Variants in ROBO1 observed in about 807,000 individuals in gnomAD.
ROBO1 encodes the protein roundabout guidance receptor 1.
In ROBO1, 149 loss-of-function variants were observed where a neutral mutation model predicts 195.9. That is an observed-to-expected ratio of 0.76 (90% CI 0.67 to 0.87). ROBO1 has a LOEUF of 0.87. Ranked by LOEUF, ROBO1 falls within the 40% of genes least tolerant of loss-of-function variation. The pLI is 0.00. For synonymous variants in ROBO1, 816 were observed against 733.2 expected (o/e 1.11, Z -1.82); for missense variants, 1,933 against 2,068.3 (o/e 0.93, Z 1.27).
At chr3:79,455,702 T>C (rs548196559) in intron 2 of ROBO1, among the ~76,000 whole-genome samples, 99 of 152,216 alleles carry the variant, frequency 6.5e-4, no homozygotes, top group Non-Finnish European at 1.3e-3. Flanking sequence ...CACTGGCTGT[T>C]TCTTCATCCC....
At chr3:79,349,416 T>C (rs2035256078) in intron 2 of ROBO1, among the ~76,000 whole-genome samples, 2 of 152,134 alleles carry the variant, frequency 1.3e-5, no homozygotes, top group South Asian at 4.1e-4. Flanking sequence ...CCAATCCCTA[T>C]CAGAATATGA....
chr3:79,293,919 G>A lies in ROBO1; in HGVS notation c.89-168380C>T, dbSNP rs371491628. Among the ~76,000 whole-genome samples, 290 of 150,612 alleles carry A rather than the reference G, an allele frequency of 1.9e-3. 7 individuals carry two copies. In the East Asian group the frequency reaches 0.052, roughly 27 times the overall value. On this transcript the variant is annotated intron_variant, in intron 2 of 30. Coordinates refer to ENST00000464233, the MANE Select transcript of ROBO1 (RefSeq NM_002941.4). ...TAAAAATACAAAAAATTAGCCGGGCGTGGTAGCGGGCGCCTGTAGTCCCAG... is the reference window on the plus strand; with the variant it reads ...TAAAAATACAAAAAATTAGCCGGGCATGGTAGCGGGCGCCTGTAGTCCCAG...
chr3:79,585,506 C>G (rs1943800207), intron 2 of ROBO1, among the ~76,000 whole-genome samples: 1 of 151,908 alleles, frequency 6.6e-6, no homozygotes, highest in Non-Finnish European at 1.5e-5. Context: ...GAAACATAAG[C>G]AAAACCAAAG....
At chr3:78,981,952 C>G (rs987827551) in intron 3 of ROBO1, among the ~76,000 whole-genome samples, 24 of 152,044 alleles carry the variant, frequency 1.6e-4, no homozygotes, top group African/African-American at 5.8e-4. Context: ...AAAAGATTAA[C>G]CACCCAAGAA....
At chr3:79,639,937 G>C (rs1434562373) in intron 1 of ROBO1, among the ~76,000 whole-genome samples, 1 of 152,174 alleles carries the variant, frequency 6.6e-6, no homozygotes, top group Non-Finnish European at 1.5e-5. Flanking sequence ...GTGAGCATCT[G>C]CATCAGTAGC....
chr3:79,087,515 C>CTTCCTTCCTTTCCTTCCTCCCTTCT (rs2079393932), intron 3 of ROBO1, among the ~76,000 whole-genome samples: 1 of 151,526 alleles, frequency 6.6e-6, no homozygotes, highest in Non-Finnish European at 1.5e-5. Flanking sequence ...CTCTTCCTTC[C>CTTCCTTCCTTTCCTTCCTCCCTTCT]TTCCTTCCTT....
At chr3:79,160,529 T>A (rs1228793451) in intron 2 of ROBO1, among the ~76,000 whole-genome samples, 1 of 152,028 alleles carries the variant, frequency 6.6e-6, no homozygotes, top group Non-Finnish European at 1.5e-5. Flanking sequence ...CGGAACATTG[T>A]TAGAGCAGCT....
At chr3:79,193,711 T>TATG (rs2081583236) in intron 2 of ROBO1, among the ~76,000 whole-genome samples, 1 of 150,376 alleles carries the variant, frequency 6.6e-6, no homozygotes, top group Non-Finnish European at 1.5e-5. Context: ...CATTCTTACA[T>TATG]ATGATGATAA....
intron 1 of ROBO1, among the ~76,000 whole-genome samples, chr3:79,764,809 A>G (rs1010050849): frequency 6.6e-6 from 1 of 152,234 alleles, no homozygotes; most frequent in Non-Finnish European, 1.5e-5. Flanking sequence ...TATAAGATAA[A>G]AGAAAATTAT....
chr3:79,642,471 A>G (rs35716304), intron 1 of ROBO1, among the ~76,000 whole-genome samples: 41,357 of 151,946 alleles, frequency 0.27, 6,840 homozygotes, highest in East Asian at 0.51. Context: ...CCCCAAAAAT[A>G]TAATAAAACT....
At chr3:78,780,767 C>A (rs1041267796) in intron 4 of ROBO1, among the ~76,000 whole-genome samples, 6 of 152,120 alleles carry the variant, frequency 3.9e-5, no homozygotes, top group African/African-American at 7.2e-5. Flanking sequence ...CTACCACATT[C>A]ATTTCTGCTG....
chr3:79,135,796 C>T (rs2108597911), intron 2 of ROBO1, among the ~76,000 whole-genome samples: 1 of 152,128 alleles, frequency 6.6e-6, no homozygotes, highest in Middle Eastern at 3.4e-3. Flanking sequence ...TGGCACCACG[C>T]CCGGCTAATT....
At chr3:78,982,850 C>A (rs966662612) in intron 3 of ROBO1, among the ~76,000 whole-genome samples, 5 of 152,020 alleles carry the variant, frequency 3.3e-5, no homozygotes, top group Non-Finnish European at 1.5e-5. Context: ...AACTCCTGAC[C>A]TCAAGTGATC....
intron 2 of ROBO1, among the ~76,000 whole-genome samples, chr3:79,442,013 G>A (rs1418544142): frequency 6.6e-6 from 1 of 151,678 alleles, no homozygotes; most frequent in Non-Finnish European, 1.5e-5. Context: ...AACATAAGAG[G>A]ACCAATTTTT....
At chr3:79,073,162 T>C (rs531890928) in intron 3 of ROBO1, among the ~76,000 whole-genome samples, 1 of 152,116 alleles carries the variant, frequency 6.6e-6, no homozygotes, top group East Asian at 1.9e-4. Context: ...GTTTTGTTTG[T>C]TATAAAGGAA....
intron 8 of ROBO1, among the ~76,000 whole-genome samples, chr3:78,698,379 T>C (rs1216291514): frequency 6.6e-6 from 1 of 152,178 alleles, no homozygotes; most frequent in Non-Finnish European, 1.5e-5. Context: ...AGATTGAGTT[T>C]AACTTAAAAG....
intron 1 of ROBO1, among the ~76,000 whole-genome samples, chr3:79,766,822 G>A (rs1476109108): frequency 6.6e-6 from 1 of 152,188 alleles, no homozygotes; most frequent in African/African-American, 2.4e-5. Context: ...CATCAATAAT[G>A]CAGAGGCTCC....
chr3:79,221,013 T>A (rs1363081787), intron 2 of ROBO1, among the ~76,000 whole-genome samples: 1 of 151,486 alleles, frequency 6.6e-6, no homozygotes, highest in Non-Finnish European at 1.5e-5. Context: ...CATCCAGACA[T>A]TACCAAATGC....
intron 2 of ROBO1, among the ~76,000 whole-genome samples, chr3:79,279,997 A>G (rs1012834276): frequency 2.0e-5 from 3 of 152,256 alleles, no homozygotes; most frequent in Non-Finnish European, 2.9e-5. Context: ...AGCCAGAAAT[A>G]GAAAGTTAAA....
Sources: allele counts gnomAD v4.1 joint callset (sites outside exome capture counted in the v4.1 genomes callset), GRCh38; gene constraint gnomAD v4.1.1; transcripts MANE v1.5; gene names NCBI Gene and HGNC (gene_info 2026-07-23, HGNC 2026-07-21).